Variants in RNF150 observed in about 807,000 individuals in gnomAD.
RNF150 encodes ring finger protein 150.
A neutral mutation model predicts 39.3 loss-of-function variants in RNF150; 24 were observed. That is an observed-to-expected ratio of 0.61 (90% CI 0.44 to 0.86). The LOEUF is 0.86. RNF150 is among the 40% of genes least tolerant of loss of function. The probability of loss-of-function intolerance (pLI) is 0.00; values close to 1 mark genes in which losing one functional copy is unlikely to be tolerated. For synonymous variants in RNF150, 255 were observed against 227.3 expected (o/e 1.12, Z -1.10); for missense variants, 502 against 587.8 (o/e 0.85, Z 1.51).
At chr4:140,999,244 A>G (rs569816024) in intron 1 of RNF150, among the ~76,000 whole-genome samples, 29 of 152,350 alleles carry the variant, frequency 1.9e-4, no homozygotes, top group African/African-American at 7.0e-4. Context: ...CCAAAAAACT[A>G]AAACACGCAT....
chr4:141,137,210 T>G (rs911740476), upstream of RNF150, among the ~76,000 whole-genome samples: 2 of 152,170 alleles, frequency 1.3e-5, no homozygotes, highest in Admixed American at 1.3e-4. Context: ...CATTTTGCAT[T>G]TTATTCTGAG....
chr4:141,192,296 G>A lies in RNF150; in HGVS notation c.-6+20498C>T, dbSNP rs1329022716. 2.0e-5 allele frequency among the ~76,000 whole-genome samples: 3 copies of A among 152,162 alleles called. No individual in the cohort carries two copies. In the East Asian group the frequency reaches 5.8e-4, roughly 29 times the overall value. On this transcript the variant is annotated intron_variant, in intron 1 of 7. Coordinates refer to the RNF150 transcript ENST00000420921. ...AGGTGAATGCCTCAGGCCAGGTAGA[G>A]AGTCAGGTACTCAAAAATGCAAGAT... is the stretch of plus-strand genomic sequence containing the variant.
intron 6 of RNF150, among the ~76,000 whole-genome samples, chr4:140,887,386 T>C (rs1729616740): frequency 6.6e-6 from 1 of 152,240 alleles, no homozygotes; most frequent in Non-Finnish European, 1.5e-5. Context: ...CCAGATAATA[T>C]GCAGCTAATA....
chr4:141,087,603 T>C (rs1379049797), intron 1 of RNF150, among the ~76,000 whole-genome samples: 2 of 152,220 alleles, frequency 1.3e-5, no homozygotes, highest in East Asian at 1.9e-4. Context: ...CAGTAGCTAA[T>C]AAGTAATGTT....
intron 4 of RNF150, among the ~76,000 whole-genome samples, chr4:140,926,484 A>G (rs567567436): frequency 6.6e-6 from 1 of 152,332 alleles, no homozygotes; most frequent in South Asian, 2.1e-4. Context: ...GAAAACTGCA[A>G]GTAAAGGCTG....
At chr4:141,121,965 G>C (rs539720998) in intron 1 of RNF150, among the ~76,000 whole-genome samples, 2 of 152,186 alleles carry the variant, frequency 1.3e-5, no homozygotes, top group South Asian at 4.1e-4. Flanking sequence ...ATTTACATCA[G>C]AATCTCTGTA....
At chr4:141,046,354 T>G (rs1214831729) in intron 1 of RNF150, among the ~76,000 whole-genome samples, 1 of 152,238 alleles carries the variant, frequency 6.6e-6, no homozygotes, top group Non-Finnish European at 1.5e-5. Context: ...CATTCATGAC[T>G]GGACTAGAGT....
At chr4:140,957,494 G>A (rs1159517582) in intron 2 of RNF150, among the ~76,000 whole-genome samples, 2 of 152,146 alleles carry the variant, frequency 1.3e-5, no homozygotes, top group African/African-American at 2.4e-5. Context: ...TCGGTGTGGC[G>A]ATTCCTCAGG....
intron 4 of RNF150, among the ~76,000 whole-genome samples, chr4:140,935,627 T>C (rs140843299): frequency 1.3e-5 from 2 of 152,316 alleles, no homozygotes; most frequent in African/African-American, 4.8e-5. Context: ...TATATAATGT[T>C]GTACACATAA....
At chr4:140,964,808 A>G (rs1733171436) in intron 2 of RNF150, among the ~76,000 whole-genome samples, 2 of 152,136 alleles carry the variant, frequency 1.3e-5, no homozygotes, top group African/African-American at 4.8e-5. Flanking sequence ...GCCGTGAGAC[A>G]TTATAATTCT....
intron 1 of RNF150, among the ~76,000 whole-genome samples, chr4:141,116,865 A>T (rs527791859): frequency 6.6e-6 from 1 of 152,318 alleles, no homozygotes; most frequent in Non-Finnish European, 1.5e-5. Flanking sequence ...GCTGGAAACC[A>T]TTATTCTCGG....
chr4:141,121,466 A>C (rs72933078), intron 1 of RNF150, among the ~76,000 whole-genome samples: 26 of 152,342 alleles, frequency 1.7e-4, no homozygotes, highest in African/African-American at 6.0e-4. Context: ...TGGTAAAAAC[A>C]GCACGGTGTC....
At chr4:141,149,829 G>A (rs1341542513) in intron 1 of RNF150, among the ~76,000 whole-genome samples, 1 of 152,122 alleles carries the variant, frequency 6.6e-6, no homozygotes, top group South Asian at 2.1e-4. Context: ...CCATAGCAGT[G>A]GTACTAGTTT....
rs74715486 is a variant in RNF150, at chr4:141,191,839, G to A, written c.-6+20955C>T. 1.5e-3 allele frequency among the ~76,000 whole-genome samples: 223 copies of A among 152,266 alleles called. 1 individual carries two copies. Among genetic ancestry groups the A allele is most frequent in the African/African-American group, 5.0e-3 (207 of 41,554 alleles). On this transcript the variant is annotated intron_variant, in intron 1 of 7. Transcript: ENST00000420921. ...CAGCTCCTGGTCATCTTATAGGTGT[G>A]TGCTCCTGATGCCTAACACCAGCAT...
At chr4:140,983,639 G>A (rs1437288223) in intron 1 of RNF150, among the ~76,000 whole-genome samples, 1 of 152,058 alleles carries the variant, frequency 6.6e-6, no homozygotes, top group African/African-American at 2.4e-5. Context: ...TGCTTGTGGG[G>A]GGAATCTAGG....
upstream of RNF150, among the ~76,000 whole-genome samples, chr4:141,136,633 G>A (rs1727031482): frequency 2.6e-5 from 4 of 152,106 alleles, no homozygotes; most frequent in Admixed American, 2.6e-4. Flanking sequence ...AAACATCTCT[G>A]TATTTCATTT....
intron 1 of RNF150, among the ~76,000 whole-genome samples, chr4:140,971,669 C>T (rs1579016370): frequency 2.6e-5 from 4 of 152,236 alleles, no homozygotes; most frequent in Middle Eastern, 3.4e-3. Context: ...ATTTTTAGTG[C>T]TTCCTTTTCC....
At chr4:141,078,969 A>G (rs1326171606) in intron 1 of RNF150, among the ~76,000 whole-genome samples, 2 of 151,628 alleles carry the variant, frequency 1.3e-5, no homozygotes, top group Non-Finnish European at 2.9e-5. Flanking sequence ...ATATGTTTAT[A>G]AGAAAGCCTT....
intron 1 of RNF150, among the ~76,000 whole-genome samples, chr4:141,183,909 G>A (rs930033562): frequency 2.0e-5 from 3 of 152,136 alleles, no homozygotes; most frequent in Non-Finnish European, 4.4e-5. Context: ...GTCTATCATT[G>A]ATGGGCATTT....
Sources: gnomAD v4.1 joint callset for allele counts (sites outside exome capture counted in the v4.1 genomes callset) on GRCh38, gnomAD v4.1.1 for gene constraint, MANE v1.5 for transcripts, NCBI Gene and HGNC (gene_info 2026-07-23, HGNC 2026-07-21) for gene names.